The following RNF125 variants were observed in gnomAD, a reference collection of about 807,000 sequenced individuals.
RNF125 encodes the protein ring finger protein 125.
Under a neutral mutation model 26.0 loss-of-function variants are expected in RNF125, and 21 were observed. The ratio of observed to expected loss-of-function variants is 0.81; its 90% CI spans 0.57 to 1.16. RNF125 has a LOEUF of 1.16. Among genes scored for constraint, RNF125 ranks in the 50% most tolerant of loss-of-function variants. The pLI, the probability that RNF125 is intolerant of heterozygous loss-of-function variation, is 0.00. For missense variants in RNF125, 270 were observed against 299.4 expected, an observed-to-expected ratio of 0.90 and a Z score of 0.72; for synonymous variants, 95 against 109.2, an observed-to-expected ratio of 0.87 and a Z score of 0.81.
chr18:32,086,960 GATC>G, the RNF125 span, among the ~76,000 whole-genome samples: 1 of 152,008 alleles, frequency 6.6e-6, no homozygotes, highest in African/African-American at 2.4e-5. Flanking sequence ...CCTTGTCTTT[GATC>G]ATCAAAGAAA....
At chr18:32,027,634 G>A (rs2039049758) in intron 1 of RNF125, among the ~76,000 whole-genome samples, 1 of 152,032 alleles carries the variant, frequency 6.6e-6, no homozygotes, top group Admixed American at 6.6e-5. Flanking sequence ...TTTCTTTGCT[G>A]GCTTTTCATC....
chr18:32,020,563 C>A (rs2038977258), intron 1 of RNF125, among the ~76,000 whole-genome samples: 1 of 151,266 alleles, frequency 6.6e-6, no homozygotes, highest in Non-Finnish European at 1.5e-5. Flanking sequence ...TTTTGAGGAC[C>A]ACTTTTGAAA....
In RNF125 at chr18:32,047,193, T is replaced by C. The variant is rs571461273; in HGVS notation, c.504+1461T>C. On this transcript the variant is annotated intron_variant, in intron 4 of 5. Coordinates refer to ENST00000217740, the MANE Select transcript of RNF125 (RefSeq NM_017831.4). ...CTGGGACTACAGGCGTGCGCCACCA[T>C]GCCCGGCTAATTTTTTGTATTTTTT... Among the ~76,000 whole-genome samples, 14 of 152,294 alleles carry C rather than the reference T, an allele frequency of 9.2e-5. No homozygotes were observed. In the East Asian group the frequency reaches 2.7e-3, roughly 29 times the overall value.
At chr18:32,081,077 C>T in the RNF125 span, among the ~76,000 whole-genome samples, 1 of 151,016 alleles carries the variant, frequency 6.6e-6, no homozygotes, top group African/African-American at 2.4e-5. Flanking sequence ...GCCTATAATC[C>T]CAGCTACTCA....
chr18:32,054,845 A>G (rs1363042080), intron 4 of RNF125, among the ~76,000 whole-genome samples: 2 of 152,176 alleles, frequency 1.3e-5, no homozygotes, highest in Admixed American at 1.3e-4. Context: ...GATAAATATG[A>G]TTTGTTCTTG....
At chr18:32,075,857 A>G, downstream of RNF125, 1 of 849,266 alleles carries the variant, frequency 1.2e-6, no homozygotes, top group Non-Finnish European at 2.0e-6. Context: ...TCCACGAGTC[A>G]TTTTATTTGT....
At chr18:32,083,565 T>G in the RNF125 span, among the ~76,000 whole-genome samples, 17,552 of 152,172 alleles carry the variant, frequency 0.12, 2,020 homozygotes, top group African/African-American at 0.29. Context: ...TGTTATAGTT[T>G]CCTCTGTCCT....
intron 1 of RNF125, among the ~76,000 whole-genome samples, chr18:32,022,363 A>G (rs2144426808): frequency 6.6e-6 from 1 of 152,336 alleles, no homozygotes; most frequent in East Asian, 1.9e-4. Flanking sequence ...CACTAGCCAG[A>G]TGTGTGACCA....
intron 4 of RNF125, among the ~76,000 whole-genome samples, chr18:32,050,674 T>C (rs2144492216): frequency 6.6e-6 from 1 of 152,068 alleles, no homozygotes; most frequent in South Asian, 2.1e-4. Flanking sequence ...ATCTCTGGAA[T>C]ATTAGACTCG....
intron 2 of RNF125, among the ~76,000 whole-genome samples, chr18:32,040,369 T>C (rs574119988): frequency 3.3e-5 from 5 of 150,800 alleles, no homozygotes; most frequent in African/African-American, 1.2e-4. Flanking sequence ...CCTCCTGGGT[T>C]CAAGCACTTC....
chr18:32,024,844 G>A lies in RNF125; in HGVS notation c.164+5817G>A, dbSNP rs146455005. ...ACCTATAATCCCAGCACTTTGGGAGGCCGAGGCAGGCGGATCACTTGAGCC... is the reference window on the plus strand; with the variant it reads ...ACCTATAATCCCAGCACTTTGGGAGACCGAGGCAGGCGGATCACTTGAGCC... On this transcript the variant is annotated intron_variant, in intron 1 of 5. Transcript: ENST00000217740. Among the ~76,000 whole-genome samples the A allele has an allele frequency of 2.4e-3, 372 of 152,288 alleles. 1 individual carries two copies. Among genetic ancestry groups the A allele is most frequent in the African/African-American group, 8.6e-3 (359 of 41,564 alleles).
chr18:32,061,974 G>C lies in RNF125; in HGVS notation c.505-3928G>C, dbSNP rs1343157979. 4.6e-5 allele frequency among the ~76,000 whole-genome samples: 7 copies of C among 152,304 alleles called. No homozygotes were observed. In the South Asian group the frequency reaches 6.2e-4, roughly 14 times the overall value. On this transcript the variant is annotated intron_variant, in intron 4 of 5. Transcript: ENST00000217740. ...GTACTAAGAATGTAGGGATCAACTAGACACATGGTAGTTTCTTCCCTCAGG... is the reference window on the plus strand; with the variant it reads ...GTACTAAGAATGTAGGGATCAACTACACACATGGTAGTTTCTTCCCTCAGG...
chr18:32,085,025 G>A, the RNF125 span, among the ~76,000 whole-genome samples: 1 of 152,122 alleles, frequency 6.6e-6, no homozygotes, highest in Non-Finnish European at 1.5e-5. Flanking sequence ...GAGAATTTAA[G>A]CTTACAATGA....
At chr18:32,041,984 G>A (rs565093598) in intron 2 of RNF125, 195 bp from the exon 3 acceptor site, 21 of 550,114 alleles carry the variant, frequency 3.8e-5, no homozygotes, top group African/African-American at 3.6e-4. Flanking sequence ...GATCTTCTAA[G>A]TATCGGAGAA....
chr18:32,049,404 G>T (rs924357250), intron 4 of RNF125, among the ~76,000 whole-genome samples: 1 of 152,182 alleles, frequency 6.6e-6, no homozygotes, highest in African/African-American at 2.4e-5. Context: ...AGTAGTAAAT[G>T]AATCAGGCAT....
At position 32,045,721 on chromosome 18, in the gene RNF125, C is replaced by T. The variant is rs142382122; in HGVS notation, c.493C>T (p.Arg165Trp). Residue 165 changes from arginine (R) to tryptophan (W), a missense_variant, in exon 4 of 6, where the codon CGG (arginine) becomes TGG (tryptophan). Arg to Trp is a moderately radical substitution (Grantham distance 101, BLOSUM62 -3). Transcript: ENST00000217740. ...TTGTATTACTCATCACAGATCGGAA[C>T]GGAGGCCTGTGGTAAGGATTTTTGT... ...DHCITHHRSE[R>W]RPVFCPLCRL... 3.6e-4 allele frequency: 582 copies of T among 1,610,664 alleles called. No individual in the cohort carries two copies. Among genetic ancestry groups the T allele is most frequent in the Non-Finnish European group, 4.0e-4 (470 of 1,178,194 alleles).
intron 4 of RNF125, 62 bp from the exon 5 acceptor site, chr18:32,065,839 TA>T: frequency 8.1e-7 from 1 of 1,234,778 alleles, no homozygotes; most frequent in Non-Finnish European, 1.2e-6. Context: ...CCGTTGTTTT[TA>T]ATTCTAACAC....
chr18:32,041,636 T>C, intron 2 of RNF125, among the ~76,000 whole-genome samples: 1 of 128,800 alleles, frequency 7.8e-6, no homozygotes, highest in African/African-American at 3.0e-5. Context: ...TTTTTTTTTT[T>C]TTTTTTTTTT....
intron 4 of RNF125, among the ~76,000 whole-genome samples, chr18:32,057,795 C>A (rs547566757): frequency 6.6e-6 from 1 of 152,224 alleles, no homozygotes; most frequent in South Asian, 2.1e-4. Context: ...CAAACTTTAT[C>A]ATGCATGAGA....
Sources: gnomAD v4.1 joint callset for allele counts (sites outside exome capture counted in the v4.1 genomes callset) on GRCh38, gnomAD v4.1.1 for gene constraint, MANE v1.5 for transcripts, NCBI Gene and HGNC (gene_info 2026-07-23, HGNC 2026-07-21) for gene names.